Variants in NCALD observed in about 807,000 individuals in gnomAD.
NCALD encodes neurocalcin-delta.
Under a neutral mutation model 18.6 loss-of-function variants are expected in NCALD, and 10 were observed. The ratio of observed to expected loss-of-function variants is 0.54; its 90% CI spans 0.33 to 0.91. The LOEUF is 0.91. NCALD is among the 40% of genes least tolerant of loss of function. The pLI is 0.03. For missense variants in NCALD, 184 were observed against 247.6 expected, an observed-to-expected ratio of 0.74 and a Z score of 1.72; for synonymous variants, 88 against 87.4, an observed-to-expected ratio of 1.01 and a Z score of -0.04.
intron 1 of NCALD, among the ~76,000 whole-genome samples, chr8:102,089,180 G>A (rs56403816): frequency 6.6e-6 from 1 of 152,106 alleles, no homozygotes; most frequent in Non-Finnish European, 1.5e-5. Context: ...GGATCACAAG[G>A]TCAGGAGATG....
chr8:101,835,335 C>T (rs747977331), intron 4 of NCALD, among the ~76,000 whole-genome samples: 3 of 152,250 alleles, frequency 2.0e-5, no homozygotes, highest in Non-Finnish European at 2.9e-5. Flanking sequence ...CCCTCCCAAC[C>T]CCGCTTCCCT....
At chr8:101,792,768 C>T (rs1393278981), upstream of NCALD, among the ~76,000 whole-genome samples, 1 of 152,144 alleles carries the variant, frequency 6.6e-6, no homozygotes, top group Admixed American at 6.6e-5. Context: ...ATCTCTCTGG[C>T]TCTAATCCAT....
chr8:101,906,482 G>A (rs1817616110), intron 3 of NCALD, among the ~76,000 whole-genome samples: 1 of 152,264 alleles, frequency 6.6e-6, no homozygotes, highest in South Asian at 2.1e-4. Flanking sequence ...AACGGCCATG[G>A]TTGACACAAA....
At chr8:102,096,819 A>G (rs1825118237) in intron 1 of NCALD, among the ~76,000 whole-genome samples, 1 of 152,206 alleles carries the variant, frequency 6.6e-6, no homozygotes, top group Non-Finnish European at 1.5e-5. Context: ...TTTGTTTTCA[A>G]TAAATCTCTG....
intron 1 of NCALD, among the ~76,000 whole-genome samples, chr8:101,739,187 C>A (rs2130674178): frequency 6.6e-6 from 1 of 152,124 alleles, no homozygotes; most frequent in Admixed American, 6.5e-5. Flanking sequence ...GGCTCCAATT[C>A]TCCCCACCAT....
chr8:101,921,730 A>C (rs1818172468), intron 2 of NCALD, among the ~76,000 whole-genome samples: 1 of 152,188 alleles, frequency 6.6e-6, no homozygotes, highest in African/African-American at 2.4e-5. Context: ...ACAATCTAAG[A>C]ATTCTTATCT....
chr8:102,070,897 C>T (rs1824161856), intron 1 of NCALD, among the ~76,000 whole-genome samples: 1 of 152,266 alleles, frequency 6.6e-6, no homozygotes, highest in African/African-American at 2.4e-5. Context: ...CACTCACAAA[C>T]TCCTAGTGTA....
chr8:101,693,175 G>T (rs1347855410), intron 2 of NCALD: 6 of 328,980 alleles, frequency 1.8e-5, no homozygotes, highest in Non-Finnish European at 2.9e-5. Flanking sequence ...TTTTGAGACA[G>T]GGTCTCATTC....
chr8:102,037,419 T>A (rs962243541), intron 1 of NCALD, among the ~76,000 whole-genome samples: 5 of 151,822 alleles, frequency 3.3e-5, no homozygotes, highest in Admixed American at 6.6e-5. Flanking sequence ...GTTAAAAATC[T>A]CAAAATATAC....
At chr8:101,857,644 A>G (rs1815373172) in intron 4 of NCALD, among the ~76,000 whole-genome samples, 1 of 152,172 alleles carries the variant, frequency 6.6e-6, no homozygotes, top group African/African-American at 2.4e-5. Context: ...GTGATTGTTG[A>G]AGCAGGGGGA....
chr8:101,721,102 G>C (rs1486042536), intron 1 of NCALD: 1 of 152,088 alleles, frequency 6.6e-6, no homozygotes, highest in African/African-American at 2.4e-5. Context: ...TGATTGAAGT[G>C]TGGTCAAGAT....
At chr8:101,714,324 CA>C (rs1815957761) in intron 2 of NCALD, among the ~76,000 whole-genome samples, 1 of 152,170 alleles carries the variant, frequency 6.6e-6, no homozygotes, top group South Asian at 2.1e-4. Flanking sequence ...GTGCAAAAAT[CA>C]CAAGCTTTCC....
At chr8:101,709,491 GC>G (rs1815686471) in intron 2 of NCALD, among the ~76,000 whole-genome samples, 1 of 152,178 alleles carries the variant, frequency 6.6e-6, no homozygotes, top group Non-Finnish European at 1.5e-5. Flanking sequence ...TTAAAATTTG[GC>G]CTTTCAAGGG....
chr8:101,704,691 C>A (rs144569963), intron 2 of NCALD, among the ~76,000 whole-genome samples: 3,920 of 151,266 alleles, frequency 0.026, 133 homozygotes, highest in African/African-American at 0.078. Context: ...CTGAGGCAGG[C>A]GGGATCAGCT....
At chr8:102,066,453 G>A (rs1262973131) in intron 1 of NCALD, among the ~76,000 whole-genome samples, 3 of 152,186 alleles carry the variant, frequency 2.0e-5, no homozygotes, top group Non-Finnish European at 2.9e-5. Flanking sequence ...GGCACTCACT[G>A]TGTGAGTGGC....
chr8:102,005,513 C>T (rs1465611053), intron 2 of NCALD, among the ~76,000 whole-genome samples: 2 of 152,142 alleles, frequency 1.3e-5, no homozygotes, highest in African/African-American at 2.4e-5. Context: ...TTGACCCAAC[C>T]ATCCCATTAC....
chr8:101,771,130 C>T (rs1006303721), intron 1 of NCALD, among the ~76,000 whole-genome samples: 4 of 152,190 alleles, frequency 2.6e-5, no homozygotes, highest in African/African-American at 7.2e-5. Context: ...GAACTGCTAT[C>T]GGGTAGGTGC....
At chr8:101,997,943 G>A (rs1563524035) in intron 2 of NCALD, among the ~76,000 whole-genome samples, 1 of 152,128 alleles carries the variant, frequency 6.6e-6, no homozygotes, top group Non-Finnish European at 1.5e-5. Context: ...AACTGGAAAT[G>A]ATTATTTAGT....
chr8:101,965,069 A>T (rs1819971308), intron 2 of NCALD, among the ~76,000 whole-genome samples: 1 of 152,228 alleles, frequency 6.6e-6, no homozygotes, highest in Non-Finnish European at 1.5e-5. Context: ...ATGAGATACC[A>T]TATCACACCA....
Sources: allele counts gnomAD v4.1 joint callset (sites outside exome capture counted in the v4.1 genomes callset), GRCh38; gene constraint gnomAD v4.1.1; transcripts MANE v1.5; gene names NCBI Gene and HGNC (gene_info 2026-07-23, HGNC 2026-07-21).